GPR143: variants seen among roughly 807,000 people sequenced by gnomAD.
GPR143 encodes the protein G protein-coupled receptor 143.
Under a neutral mutation model 27.6 loss-of-function variants are expected in GPR143, and 8 were observed. The ratio of observed to expected loss-of-function variants is 0.29; its 90% CI spans 0.17 to 0.52. The LOEUF (loss-of-function observed/expected upper bound fraction) is 0.52. GPR143 is among the 20% of genes least tolerant of loss of function. The pLI, the probability that GPR143 is intolerant of heterozygous loss-of-function variation, is 0.96. For synonymous variants in GPR143, 156 were observed against 153.2 expected, an observed-to-expected ratio of 1.02 and a Z score of -0.13; for missense variants, 303 against 343.1, an observed-to-expected ratio of 0.88 and a Z score of 0.92.
chrX:9,750,859 G>A (rs754769065), intron 3 of GPR143, among the ~76,000 whole-genome samples: 5 of 112,656 alleles, frequency 4.4e-5, no homozygotes, highest in South Asian at 3.6e-4. Context: ...CGCCGTGCCC[G>A]GCCATACATT....
chrX:9,759,517 CCT>C, intron 2 of GPR143, 91 bp from the exon 3 acceptor site: 2 of 608,472 alleles, frequency 3.3e-6, no homozygotes, highest in Non-Finnish European at 5.5e-6. Context: ...ACACTGGCTT[CCT>C]CTGACGTCAG....
chrX:9,743,741 A>G (rs2083415581), intron 5 of GPR143, 68 bp from the exon 6 acceptor site: 5 of 689,656 alleles, frequency 7.2e-6, no homozygotes, highest in Middle Eastern at 2.9e-4. Flanking sequence ...AGAGAAGGCA[A>G]TGGAAGCAGG....
Position 9,760,858 on chromosome X carries a change from G to C in GPR143, c.251-32C>G, listed in dbSNP as rs748849718. On this transcript the variant is annotated intron_variant, in intron 1 of 8. Transcript: ENST00000467482. ...GAGAATTGGATAATACTTTGTATCT[G>C]ATCCTAATCAAATATAAAGCTGACT... is the stretch of plus-strand genomic sequence containing the variant. 6 of 756,729 alleles carry C rather than the reference G, an allele frequency of 7.9e-6. No individual in the cohort carries two copies. In the East Asian group the frequency reaches 2.1e-4, roughly 26 times the overall value. 62.4% of individuals were successfully genotyped at this position (756,729 alleles called of 1,213,427 possible).
rs761522914 is a variant in GPR143, at chrX:9,742,849, G to A, written c.767+716C>T. Among the ~76,000 whole-genome samples, 5 of 111,812 alleles carry A rather than the reference G, an allele frequency of 4.5e-5. No homozygotes were observed. The East Asian group carries it at 1.4e-3, about 31-fold the overall frequency. ...CAGCTGAGTGTGGTGGCTCACGCCTGTAATCCCAGTACTTTGGGAGGCCTA... is the reference window on the plus strand; with the variant it reads ...CAGCTGAGTGTGGTGGCTCACGCCTATAATCCCAGTACTTTGGGAGGCCTA... On this transcript the variant is annotated intron_variant, in intron 6 of 8. Coordinates refer to ENST00000467482, the MANE Select transcript of GPR143 (RefSeq NM_000273.3).
intron 8 of GPR143, among the ~76,000 whole-genome samples, chrX:9,726,623 C>G (rs746193876): frequency 8.9e-6 from 1 of 112,107 alleles, no homozygotes; most frequent in Non-Finnish European, 1.9e-5. Flanking sequence ...AGACATTTTT[C>G]TCAGGCCTGG....
upstream of GPR143, among the ~76,000 whole-genome samples, chrX:9,767,330 C>A (rs113865987): frequency 0.021 from 2,288 of 108,933 alleles, 55 homozygotes; most frequent in African/African-American, 0.071. Context: ...AAGAGACACC[C>A]TTCCTCCTCT....
upstream of GPR143, among the ~76,000 whole-genome samples, chrX:9,769,791 A>C (rs1229757517): frequency 9.0e-6 from 1 of 110,499 alleles, no homozygotes; most frequent in African/African-American, 3.3e-5. Flanking sequence ...CAAGTTGTCC[A>C]GGCTGGTCTC....
At chrX:9,726,936 A>G (rs1225173786) in intron 8 of GPR143, among the ~76,000 whole-genome samples, 1 of 112,851 alleles carries the variant, frequency 8.9e-6, no homozygotes, top group African/African-American at 3.2e-5. Flanking sequence ...AATCAGCAGT[A>G]TGAAAGTTAA....
At chrX:9,755,446 C>CA (rs1220058923) in intron 3 of GPR143, among the ~76,000 whole-genome samples, 4 of 85,261 alleles carry the variant, frequency 4.7e-5, no homozygotes, top group Admixed American at 1.4e-4. Context: ...AACTCCATCT[C>CA]AAAAAAAAGA....
chrX:9,738,364 C>G (rs915742800), intron 8 of GPR143: 1 of 705,439 alleles, frequency 1.4e-6, no homozygotes, highest in African/African-American at 2.3e-5. Context: ...ACTCTACAGA[C>G]TAACAGCAGT....
At chrX:9,761,560 C>G (rs1378902199) in intron 1 of GPR143, among the ~76,000 whole-genome samples, 1 of 112,269 alleles carries the variant, frequency 8.9e-6, no homozygotes, top group Non-Finnish European at 1.9e-5. Context: ...TTAGTTATTC[C>G]TCACATAAAA....
chrX:9,765,205 C>A lies in GPR143; in HGVS notation c.250+363G>T, dbSNP rs780141468. ...ATCGAGTTCCAACCTGCGGGCCATG[C>A]GCCCTCACCCGGGCATCGATCCGGT... is the stretch of plus-strand genomic sequence containing the variant. On this transcript the variant is annotated intron_variant, in intron 1 of 8. Coordinates refer to ENST00000467482, the MANE Select transcript of GPR143 (RefSeq NM_000273.3). 1.1e-4 allele frequency among the ~76,000 whole-genome samples: 12 copies of A among 112,022 alleles called. No individual in the cohort carries two copies. In the South Asian group the frequency reaches 4.1e-3, roughly 39 times the overall value.
intron 3 of GPR143, among the ~76,000 whole-genome samples, chrX:9,753,667 C>A (rs1274992738): frequency 1.8e-5 from 2 of 111,316 alleles, no homozygotes; most frequent in Non-Finnish European, 3.8e-5. Flanking sequence ...CTGTGTGGGC[C>A]CTCACAGCCC....
At chrX:9,768,804 A>G (rs2083543872), upstream of GPR143, among the ~76,000 whole-genome samples, 1 of 110,183 alleles carries the variant, frequency 9.1e-6, no homozygotes, top group Admixed American at 9.7e-5. Flanking sequence ...CAGCCTCCTG[A>G]GCAGCTGGGA....
intron 3 of GPR143, among the ~76,000 whole-genome samples, chrX:9,753,751 C>G (rs1034449989): frequency 1.8e-5 from 2 of 111,823 alleles, no homozygotes; most frequent in Non-Finnish European, 3.8e-5. Flanking sequence ...TCCCCAAGCC[C>G]TTCCAGAGTC....
At chrX:9,757,228 G>C (rs1245708785) in intron 3 of GPR143, among the ~76,000 whole-genome samples, 2 of 111,940 alleles carry the variant, frequency 1.8e-5, no homozygotes, top group Non-Finnish European at 3.8e-5. Flanking sequence ...CTGGTTCATA[G>C]ATAGCACCTT....
At chrX:9,751,781 G>A (rs1029133314) in intron 3 of GPR143, among the ~76,000 whole-genome samples, 1 of 112,599 alleles carries the variant, frequency 8.9e-6, no homozygotes, top group Non-Finnish European at 1.9e-5. Context: ...TTTAAGTTAC[G>A]TCTCAACTAA....
At chrX:9,736,098 G>A (rs1481016653) in intron 8 of GPR143, among the ~76,000 whole-genome samples, 1 of 110,560 alleles carries the variant, frequency 9.0e-6, no homozygotes, top group African/African-American at 3.3e-5. Flanking sequence ...TGACACCTGC[G>A]TTTCCCCCGC....
intron 3 of GPR143, among the ~76,000 whole-genome samples, chrX:9,749,232 C>G (rs1248359586): frequency 6.7e-5 from 7 of 104,545 alleles, no homozygotes; most frequent in Non-Finnish European, 1.2e-4. Context: ...TCCCTCCCCC[C>G]CCAACCCCCT....
Sources: allele counts gnomAD v4.1 joint callset (sites outside exome capture counted in the v4.1 genomes callset), GRCh38; gene constraint gnomAD v4.1.1; transcripts MANE v1.5; gene names NCBI Gene and HGNC (gene_info 2026-07-23, HGNC 2026-07-21).